Variants in MAP3K3 observed in about 807,000 individuals in gnomAD.
The protein encoded by MAP3K3 is MAP/ERK kinase kinase 3.
MAP3K3 carries 12 observed loss-of-function variants against 80.9 expected under a neutral mutation model. The observed-to-expected ratio is 0.15, with a 90% CI of 0.10 to 0.24. The LOEUF (loss-of-function observed/expected upper bound fraction) is 0.24. Among genes scored for constraint, MAP3K3 ranks in the 10% least tolerant of loss-of-function variants. The probability of loss-of-function intolerance (pLI) is 1.00; values close to 1 mark genes in which losing one functional copy is unlikely to be tolerated. For missense variants in MAP3K3, 596 were observed against 834.7 expected (o/e 0.71, Z 3.52); for synonymous variants, 272 against 307.1 (o/e 0.89, Z 1.19).
At chr17:63,670,416 C>G (rs149220111) in intron 6 of MAP3K3, among the ~76,000 whole-genome samples, 1 of 151,664 alleles carries the variant, frequency 6.6e-6, no homozygotes, top group Non-Finnish European at 1.5e-5. Context: ...AACCCCGTCA[C>G]TAATAAAAAT....
At chr17:63,626,662 A>G (rs987756641) in intron 1 of MAP3K3, among the ~76,000 whole-genome samples, 37 of 152,248 alleles carry the variant, frequency 2.4e-4, no homozygotes, top group African/African-American at 7.7e-4. Flanking sequence ...CTTATTGCAT[A>G]TACTCATTGT....
intron 2 of MAP3K3, among the ~76,000 whole-genome samples, chr17:63,634,076 C>T (rs1057263921): frequency 5.3e-5 from 8 of 152,118 alleles, no homozygotes; most frequent in African/African-American, 1.9e-4. Context: ...GTTGTTGTTA[C>T]CTTATAGTAC....
At chr17:63,675,217 C>T (rs2035193176) in intron 6 of MAP3K3, among the ~76,000 whole-genome samples, 1 of 152,068 alleles carries the variant, frequency 6.6e-6, no homozygotes. Flanking sequence ...GAGTGTGGTC[C>T]ACTGTGAGCA....
At chr17:63,652,070 G>A (rs1350157894) in intron 3 of MAP3K3, among the ~76,000 whole-genome samples, 1 of 152,130 alleles carries the variant, frequency 6.6e-6, no homozygotes, top group African/African-American at 2.4e-5. Context: ...TGTGTAGGAT[G>A]TGCAGGTTTG....
chr17:63,657,164 A>G (rs1014723730), intron 4 of MAP3K3, among the ~76,000 whole-genome samples: 7 of 152,058 alleles, frequency 4.6e-5, no homozygotes, highest in African/African-American at 1.7e-4. Flanking sequence ...ATGTCAGCAC[A>G]ATTGGCAGTA....
chr17:63,689,199 T>C lies in MAP3K3; in HGVS notation c.871+318T>C. 1.9e-6 allele frequency: 1 copy of C among 538,088 alleles called. No individual in the cohort carries two copies. The highest frequency in any genetic ancestry group is 3.3e-6 in the Non-Finnish European group (1 of 301,710). 33.3% of individuals were successfully genotyped at this position (538,088 alleles called of 1,614,324 possible). ...CCCTGTAGAGGGGTAAGGAGTAGGA[T>C]ACAAGGAAATCAGTGCCTTCGGGTG... On this transcript the variant is annotated intron_variant, in intron 10 of 15. Coordinates refer to ENST00000361733, the MANE Select transcript of MAP3K3 (RefSeq NM_002401.5). This position sits in a 1 kb window ranked among gnomAD's most constrained non-coding sequence, Gnocchi z 4.3.
intron 6 of MAP3K3, among the ~76,000 whole-genome samples, chr17:63,675,432 A>C (rs1485105805): frequency 6.6e-6 from 1 of 152,222 alleles, no homozygotes. Flanking sequence ...TCCTGACTGC[A>C]TCAGCTTCCT....
rs1252675599 is a variant in MAP3K3, at chr17:63,685,559, A to C, written c.679A>C (p.Ser227Arg). 6.2e-7 allele frequency: 1 copy of C among 1,614,098 alleles called. No homozygotes were observed. Among genetic ancestry groups the C allele is most frequent in the African/African-American group, 1.3e-5 (1 of 74,940 alleles). Residue 227 changes from serine (S) to arginine (R), a missense_variant, in exon 8 of 16, where the codon AGC becomes CGC. Ser to Arg is a moderately radical substitution (Grantham distance 110). Around this residue, in one of 2 missense-constraint regions of MAP3K3, gnomAD observed 364 missense variants for 588.9 expected, o/e 0.62. Transcript: ENST00000361733. Reference protein sequence around the residue: ...LSSAENSLSGSCQSLDRSADS... With the variant: ...LSSAENSLSGRCQSLDRSADS... ...CAGTGCAGAAAATTCCTTGTCTGGA[A>C]GCTGCCAATCCTTGGACAGGTCAGC...
Position 63,692,303 on chromosome 17 carries a change from A to T in MAP3K3, c.1536A>T (p.Lys512Asn). The T allele has an allele frequency of 1.9e-6, 3 of 1,613,790 alleles. No individual in the cohort carries two copies. The highest frequency in any genetic ancestry group is 2.5e-6 in the Non-Finnish European group (3 of 1,179,978). Residue 512 changes from lysine (K) to asparagine (N), a missense_variant, in exon 15 of 16, where the codon AAA (lysine) becomes AAT (asparagine). Lys to Asn is a moderately conservative substitution (Grantham distance 94). Transcript: ENST00000361733. This position sits in a 1 kb window ranked among gnomAD's most constrained non-coding sequence, Gnocchi z 4.5. ...AGCTGGGGGACTTTGGGGCCAGCAA[A>T]CGCCTGCAGACGATCTGTATGTCGG... ...NVKLGDFGASKRLQTICMSGT... is the reference protein window; with the variant it reads ...NVKLGDFGASNRLQTICMSGT...
intron 2 of MAP3K3, among the ~76,000 whole-genome samples, chr17:63,639,535 A>G (rs921213303): frequency 6.6e-6 from 1 of 152,224 alleles, no homozygotes; most frequent in Non-Finnish European, 1.5e-5. Context: ...AAGAAGGAAC[A>G]TGGTGAAAAA....
At chr17:63,644,473 C>T (rs982773959) in intron 2 of MAP3K3, among the ~76,000 whole-genome samples, 1 of 152,196 alleles carries the variant, frequency 6.6e-6, no homozygotes, top group African/African-American at 2.4e-5. Context: ...GCCTCGGCCT[C>T]CCAAGGGGCT....
At chr17:63,635,205 G>T (rs966097699) in intron 2 of MAP3K3, among the ~76,000 whole-genome samples, 2 of 152,198 alleles carry the variant, frequency 1.3e-5, no homozygotes, top group East Asian at 3.8e-4. Flanking sequence ...AGGGACTGTT[G>T]ATTTATTGGG....
At chr17:63,655,978 C>T (rs997916172) in intron 4 of MAP3K3, among the ~76,000 whole-genome samples, 1 of 152,056 alleles carries the variant, frequency 6.6e-6, no homozygotes, top group African/African-American at 2.4e-5. Flanking sequence ...GCCTGTAATG[C>T]CAGCACTTTG....
At chr17:63,657,668 G>GTA in intron 4 of MAP3K3, 126 bp from the exon 5 acceptor site, 1 of 500,216 alleles carries the variant, frequency 2.0e-6, no homozygotes. Context: ...AGACCCCATA[G>GTA]TATCCAGTGA....
chr17:63,677,323 CAT>C (rs879805642), intron 6 of MAP3K3, among the ~76,000 whole-genome samples: 3 of 152,194 alleles, frequency 2.0e-5, no homozygotes, highest in Admixed American at 2.0e-4. Flanking sequence ...ATGTTGCTGA[CAT>C]GTGGATTGAA....
In MAP3K3 at chr17:63,695,045, T is replaced by G. The variant is rs1019788880; in HGVS notation, c.*1268T>G. On this transcript the variant is annotated 3_prime_UTR_variant, in exon 16 of 16. Transcript: ENST00000361733. This position sits in a 1 kb window ranked among gnomAD's most constrained non-coding sequence, Gnocchi z 4.1. ...TCCAAAATGTGCCTATTGCTAGAGC[T>G]CCTCCCTCTCAACACCCAGTTTCCT... 7.2e-6 allele frequency: 1 copy of G among 137,946 alleles called. No individual in the cohort carries two copies. Among genetic ancestry groups the G allele is most frequent in the African/African-American group, 2.8e-5 (1 of 35,790 alleles). 8.5% of individuals were successfully genotyped at this position (137,946 alleles called of 1,614,324 possible).
rs1385237049 is a variant in MAP3K3 at position 63,692,747 on chromosome 17, C to G, written c.1652+328C>G. 1.3e-5 allele frequency among the ~76,000 whole-genome samples: 2 copies of G among 152,242 alleles called. No individual in the cohort carries two copies. The highest frequency in any genetic ancestry group is 2.4e-5 in the African/African-American group (1 of 41,462). On this transcript the variant is annotated intron_variant, in intron 15 of 15. Transcript: ENST00000361733. This position sits in a 1 kb window ranked among gnomAD's most constrained non-coding sequence, Gnocchi z 4.5. ...CAGGCTTCTGTCCCTTCTCCTAGCA[C>G]TCAAGACAGTTTGCACTTGCTCGAC...
chr17:63,673,831 A>G (rs2035160393), intron 6 of MAP3K3, among the ~76,000 whole-genome samples: 1 of 152,050 alleles, frequency 6.6e-6, no homozygotes, highest in Non-Finnish European at 1.5e-5. Flanking sequence ...AATTGCTTGA[A>G]CCTGGGAAGC....
At chr17:63,637,072 C>T (rs182892217) in intron 2 of MAP3K3, 716 of 481,840 alleles carry the variant, frequency 1.5e-3, no homozygotes, top group Non-Finnish European at 2.1e-3. Context: ...AGTTTGAGAG[C>T]GTGTGTAGAG....
Sources: allele counts gnomAD v4.1 joint callset (sites outside exome capture counted in the v4.1 genomes callset), GRCh38; gene constraint gnomAD v4.1.1; regional missense constraint gnomAD v4.1.1; non-coding constraint Gnocchi (gnomAD v3.1); transcripts MANE v1.5; gene names NCBI Gene and HGNC (gene_info 2026-07-23, HGNC 2026-07-21).